ATXN7L1: variants seen among roughly 807,000 people sequenced by gnomAD.
The protein encoded by ATXN7L1 is ataxin-7-like protein 1.
A neutral mutation model predicts 70.8 loss-of-function variants in ATXN7L1; 15 were observed. That is an observed-to-expected ratio of 0.21 (90% CI 0.14 to 0.33). The LOEUF is 0.33. ATXN7L1 is among the 10% of genes least tolerant of loss of function. The pLI, the probability that ATXN7L1 is intolerant of heterozygous loss-of-function variation, is 1.00. For synonymous variants in ATXN7L1, 440 were observed against 445.1 expected (o/e 0.99, Z 0.14); for missense variants, 975 against 1,097.1 (o/e 0.89, Z 1.57).
chr7:105,713,084 G>A (rs112779750), intron 3 of ATXN7L1, among the ~76,000 whole-genome samples: 31 of 152,290 alleles, frequency 2.0e-4, no homozygotes, highest in African/African-American at 3.6e-4. Context: ...ACATCTTACC[G>A]TGGCAGAGCA....
rs1316374331 is a variant in ATXN7L1, at chr7:105,641,214, C to CTCTTTTTTTTTTTTT, written c.862+1623_862+1624insAAAAAAAAAAAAAGA. On this transcript the variant is annotated intron_variant, in intron 5 of 11. Transcript: ENST00000419735. ...GCCTTTTCTCTCTCTCTCTCTCTCT[C>CTCTTTTTTTTTTTTT]TTTTTTTTTTTTTTTTTTTTTTTTT... Among the ~76,000 whole-genome samples the CTCTTTTTTTTTTTTT allele has an allele frequency of 8.3e-4, 18 of 21,782 alleles. 4 individuals are homozygous for CTCTTTTTTTTTTTTT. Among genetic ancestry groups the CTCTTTTTTTTTTTTT allele is most frequent in the Non-Finnish European group, 1.4e-3 (16 of 11,642 alleles). The allele number at this position is 21,782 out of a possible 152,430, so 14.3% of individuals were successfully genotyped here. A position where few individuals can be genotyped will look rare whatever the true frequency, so the allele number is the denominator to read the frequency against.
intron 7 of ATXN7L1, among the ~76,000 whole-genome samples, chr7:105,634,166 T>C (rs955031928): frequency 6.6e-6 from 1 of 152,148 alleles, no homozygotes; most frequent in African/African-American, 2.4e-5. Flanking sequence ...CAGGAAGGTG[T>C]TGACACAGTC....
chr7:105,848,973 C>A (rs1349842514), intron 2 of ATXN7L1, among the ~76,000 whole-genome samples: 1 of 152,182 alleles, frequency 6.6e-6, no homozygotes. Flanking sequence ...CTAGCTATCA[C>A]CCCAGTGGAT....
chr7:105,848,011 C>T (rs1814318874), intron 2 of ATXN7L1, among the ~76,000 whole-genome samples: 1 of 152,100 alleles, frequency 6.6e-6, no homozygotes, highest in Admixed American at 6.6e-5. Flanking sequence ...ATATGACAGA[C>T]ATGGGTAAGT....
chr7:105,723,641 T>C lies in ATXN7L1; in HGVS notation c.356-58353A>G, dbSNP rs369658221. Among the ~76,000 whole-genome samples, 4 of 152,306 alleles carry C rather than the reference T, an allele frequency of 2.6e-5. No homozygotes were observed. The East Asian group carries it at 5.8e-4, about 22-fold the overall frequency. On this transcript the variant is annotated intron_variant, in intron 3 of 11. Coordinates refer to ENST00000419735, the MANE Select transcript of ATXN7L1 (RefSeq NM_020725.2). ...GCTCCTGGCCCCTGTATGTGCACTT[T>C]GTGTCAAAGCCCATGTGTTTCAGGT...
At chr7:105,670,829 G>A (rs1392989852) in intron 3 of ATXN7L1, among the ~76,000 whole-genome samples, 7 of 151,998 alleles carry the variant, frequency 4.6e-5, no homozygotes. Context: ...GGGTGTAGCC[G>A]GGCGCGGTGG....
At chr7:105,741,941 C>A (rs1272483245) in intron 3 of ATXN7L1, among the ~76,000 whole-genome samples, 2 of 152,176 alleles carry the variant, frequency 1.3e-5, no homozygotes, top group Non-Finnish European at 2.9e-5. Context: ...CAGATTCTCT[C>A]TCGCAGCCCT....
At chr7:105,657,198 A>C (rs1465374227) in intron 4 of ATXN7L1, among the ~76,000 whole-genome samples, 2 of 152,192 alleles carry the variant, frequency 1.3e-5, no homozygotes, top group Non-Finnish European at 2.9e-5. Flanking sequence ...CAGGTCTTCC[A>C]GGTCTGTTTC....
intron 3 of ATXN7L1, among the ~76,000 whole-genome samples, chr7:105,719,125 C>T (rs753387832): frequency 2.0e-4 from 31 of 152,038 alleles, no homozygotes; most frequent in Admixed American, 5.2e-4. Context: ...GAGCAGGAGC[C>T]GAAGAACAGG....
rs113904989 is a variant in ATXN7L1, at chr7:105,683,616, C to T, written c.356-18328G>A. 1.3e-3 allele frequency among the ~76,000 whole-genome samples: 192 copies of T among 152,158 alleles called. 1 individual carries two copies. Among genetic ancestry groups the T allele is most frequent in the African/African-American group, 4.2e-3 (174 of 41,530 alleles). On this transcript the variant is annotated intron_variant, in intron 3 of 11. Transcript: ENST00000419735. ...GCTTGAATCAGGAGGTGGAGGTTGTCGTGAGCTGAGATTGTACCACTGCAC... is the reference window on the plus strand; with the variant it reads ...GCTTGAATCAGGAGGTGGAGGTTGTTGTGAGCTGAGATTGTACCACTGCAC...
At chr7:105,787,546 T>A (rs1053917876) in intron 3 of ATXN7L1, among the ~76,000 whole-genome samples, 2 of 152,178 alleles carry the variant, frequency 1.3e-5, no homozygotes, top group African/African-American at 4.8e-5. Flanking sequence ...ATACACGTGT[T>A]TGCAGTTGAT....
At chr7:105,631,513 C>A (rs1425147069) in intron 7 of ATXN7L1, among the ~76,000 whole-genome samples, 1 of 152,234 alleles carries the variant, frequency 6.6e-6, no homozygotes, top group Non-Finnish European at 1.5e-5. Flanking sequence ...GTTGCCCAGG[C>A]TAGAGTGCAG....
intron 3 of ATXN7L1, among the ~76,000 whole-genome samples, chr7:105,690,008 C>CT (rs748540889): frequency 6.6e-5 from 10 of 152,094 alleles, no homozygotes; most frequent in Non-Finnish European, 1.0e-4. Flanking sequence ...CAGGGCACTT[C>CT]TTTTTTTATT....
Position 105,607,949 on chromosome 7 carries a change from G to T in ATXN7L1, c.2548-59C>A. 3 of 1,441,192 alleles carry T rather than the reference G, an allele frequency of 2.1e-6. No individual in the cohort carries two copies. In the South Asian group the frequency reaches 3.7e-5, roughly 18 times the overall value. The allele number at this position is 1,441,192 out of a possible 1,614,324, so 89.3% of individuals were successfully genotyped here. ...ACCATACAGTTGAGATTACCCATGA[G>T]AATTCAAGGATGGAGACTTAGTTTT... On this transcript the variant is annotated intron_variant, in intron 11 of 11. Coordinates refer to ENST00000419735, the MANE Select transcript of ATXN7L1 (RefSeq NM_020725.2).
intron 3 of ATXN7L1, among the ~76,000 whole-genome samples, chr7:105,759,862 G>A (rs985498188): frequency 8.6e-5 from 13 of 150,724 alleles, no homozygotes; most frequent in Non-Finnish European, 1.5e-4. Flanking sequence ...TTTGATTTCC[G>A]CCCCCCCCAA....
At chr7:105,834,059 T>C (rs919475993) in intron 2 of ATXN7L1, among the ~76,000 whole-genome samples, 3 of 152,368 alleles carry the variant, frequency 2.0e-5, no homozygotes, top group Admixed American at 6.5e-5. Flanking sequence ...TTATTTATTT[T>C]TGAGACAAAG....
chr7:105,683,343 G>C (rs71562672), intron 3 of ATXN7L1, among the ~76,000 whole-genome samples: 8,650 of 152,074 alleles, frequency 0.057, 271 homozygotes, highest in South Asian at 0.08. Context: ...TACTCTTTAG[G>C]GGGTGTTGTT....
Position 105,605,119 on chromosome 7 carries a change from C to G in ATXN7L1, c.*2733G>C, listed in dbSNP as rs2115676741. ...ATGCTTCACAACCAGAGCTTTCGAG[C>G]CTCTATGGCTGGCGACAAGTCAGGA... On this transcript the variant is annotated 3_prime_UTR_variant, in exon 12 of 12. Transcript: ENST00000419735. 1 of 133,688 alleles carries G rather than the reference C, an allele frequency of 7.5e-6. No individual in the cohort carries two copies. The highest frequency in any genetic ancestry group is 2.5e-4 in the South Asian group (1 of 3,956). The allele number at this position is 133,688 out of a possible 1,614,324, so 8.3% of individuals were successfully genotyped here.
At chr7:105,866,692 A>C (rs1563156130) in intron 2 of ATXN7L1, among the ~76,000 whole-genome samples, 1 of 152,210 alleles carries the variant, frequency 6.6e-6, no homozygotes, top group Non-Finnish European at 1.5e-5. Flanking sequence ...TCAGCAGAAC[A>C]CTGGACCGGG....
Sources: allele counts gnomAD v4.1 joint callset (sites outside exome capture counted in the v4.1 genomes callset), GRCh38; gene constraint gnomAD v4.1.1; transcripts MANE v1.5; gene names NCBI Gene and HGNC (gene_info 2026-07-23, HGNC 2026-07-21).